Variants in RANBP2 observed in about 807,000 individuals in gnomAD.
RANBP2 encodes the protein E3 SUMO-protein ligase RanBP2.
RANBP2 carries 57 observed loss-of-function variants against 303.6 expected under a neutral mutation model. That is an observed-to-expected ratio of 0.19 (90% CI 0.15 to 0.23). The LOEUF is 0.23. Among genes scored for constraint, RANBP2 ranks in the 10% least tolerant of loss-of-function variants. RANBP2 has a pLI of 1.00. For synonymous variants in RANBP2, 1,167 were observed against 1,301.5 expected (o/e 0.90, Z 2.23); for missense variants, 3,138 against 3,780.8 (o/e 0.83, Z 4.46).
the RANBP2 span, among the ~76,000 whole-genome samples, chr2:109,718,508 A>G: frequency 2.0e-5 from 3 of 152,186 alleles, no homozygotes; most frequent in African/African-American, 7.2e-5. Flanking sequence ...AAAGTCCAGA[A>G]TAGGCAAATC....
chr2:109,078,805 A>G, the RANBP2 span, among the ~76,000 whole-genome samples: 1 of 147,812 alleles, frequency 6.8e-6, no homozygotes, highest in Non-Finnish European at 1.5e-5. Context: ...ACATGGTGAA[A>G]CCCCATTTCA....
intron 20 of RANBP2, 68 bp downstream of exon 20, chr2:108,768,456 C>T: frequency 6.2e-7 from 1 of 1,603,554 alleles, no homozygotes; most frequent in Non-Finnish European, 8.5e-7. Flanking sequence ...GATGCAGACT[C>T]TTTGTAGGAT....
the RANBP2 span, among the ~76,000 whole-genome samples, chr2:108,793,205 TA>T: frequency 3.1e-3 from 444 of 145,504 alleles, 5 homozygotes; most frequent in African/African-American, 0.011. Flanking sequence ...AAAAAAAAAA[TA>T]ACAAAAAAAT....
the RANBP2 span, among the ~76,000 whole-genome samples, chr2:109,764,678 C>G: frequency 2.7e-5 from 4 of 146,628 alleles, 1 homozygote; most frequent in Admixed American, 7.1e-5. Context: ...AATTAAAAAA[C>G]AAAGGCTTCC....
the RANBP2 span, among the ~76,000 whole-genome samples, chr2:109,622,387 A>G: frequency 8.8e-4 from 134 of 152,324 alleles, no homozygotes; most frequent in African/African-American, 3.2e-3. Flanking sequence ...CACCTAATGA[A>G]GTACAAATGA....
At chr2:109,564,481 T>C in the RANBP2 span, 1 of 1,579,638 alleles carries the variant, frequency 6.3e-7, no homozygotes, top group Non-Finnish European at 8.6e-7. Flanking sequence ...TCCATATTTG[T>C]ACAAATGAGC....
the RANBP2 span, chr2:109,614,944 C>G: frequency 1.3e-6 from 2 of 1,519,024 alleles, no homozygotes; most frequent in South Asian, 2.5e-5. Flanking sequence ...AGCGCCGGGG[C>G]TCGCAGGAAG....
the RANBP2 span, among the ~76,000 whole-genome samples, chr2:109,166,191 G>T: frequency 3.9e-5 from 6 of 152,046 alleles, no homozygotes; most frequent in Non-Finnish European, 8.8e-5. Context: ...TCAAAGGAAA[G>T]ATGCAGGCCA....
chr2:109,382,974 A>G, the RANBP2 span, among the ~76,000 whole-genome samples: 2 of 152,204 alleles, frequency 1.3e-5, 1 homozygote, highest in Non-Finnish European at 2.9e-5. Flanking sequence ...TTCCAATCAC[A>G]ACACTCAGGA....
chr2:108,760,105 A>G (rs1168824489), intron 18 of RANBP2, among the ~76,000 whole-genome samples: 1 of 152,154 alleles, frequency 6.6e-6, no homozygotes, highest in Non-Finnish European at 1.5e-5. Flanking sequence ...AAAAGTAAAC[A>G]TATATCAAGA....
the RANBP2 span, among the ~76,000 whole-genome samples, chr2:109,736,403 G>A: frequency 2.0e-5 from 3 of 152,198 alleles, no homozygotes; most frequent in African/African-American, 4.8e-5. Context: ...ACATCTGGAA[G>A]CACTATTCCT....
At chr2:109,602,979 G>C in the RANBP2 span, among the ~76,000 whole-genome samples, 4 of 151,700 alleles carry the variant, frequency 2.6e-5, no homozygotes, top group African/African-American at 9.7e-5. Context: ...ACTGAGGCAG[G>C]AGGATCATCT....
the RANBP2 span, among the ~76,000 whole-genome samples, chr2:109,755,301 T>C: frequency 7.2e-6 from 1 of 139,442 alleles, no homozygotes; most frequent in Non-Finnish European, 1.5e-5. Flanking sequence ...AAATAACTCA[T>C]AGAGCTCAAG....
At chr2:108,770,113 C>T (rs1677395129) in intron 20 of RANBP2, among the ~76,000 whole-genome samples, 7 of 152,154 alleles carry the variant, frequency 4.6e-5, no homozygotes. Context: ...GAATCCCTGA[C>T]CTAAGAATGA....
At chr2:109,182,047 T>G in the RANBP2 span, among the ~76,000 whole-genome samples, 1 of 152,222 alleles carries the variant, frequency 6.6e-6, no homozygotes, top group Non-Finnish European at 1.5e-5. Context: ...GATAAACATA[T>G]GTATGCCGTA....
At chr2:109,209,819 A>G in the RANBP2 span, among the ~76,000 whole-genome samples, 1 of 152,126 alleles carries the variant, frequency 6.6e-6, no homozygotes, top group African/African-American at 2.4e-5. Flanking sequence ...GTATTCCAAG[A>G]TTTATTATTG....
At chr2:108,923,367 C>T in the RANBP2 span, 53 of 1,614,036 alleles carry the variant, frequency 3.3e-5, no homozygotes, top group Non-Finnish European at 4.4e-5. Flanking sequence ...AAGACACTCA[C>T]ATTCCTTGGT....
chr2:109,177,937 A>C, the RANBP2 span, among the ~76,000 whole-genome samples: 706 of 152,338 alleles, frequency 4.6e-3, 2 homozygotes, highest in Non-Finnish European at 7.5e-3. Flanking sequence ...TTCTAGCAGG[A>C]GTCTCATTTG....
At chr2:109,691,553 C>T in the RANBP2 span, among the ~76,000 whole-genome samples, 20 of 152,190 alleles carry the variant, frequency 1.3e-4, no homozygotes, top group African/African-American at 4.3e-4. Flanking sequence ...AATGAATTTC[C>T]GAGAGTTCTG....
Sources: gnomAD v4.1 joint callset for allele counts (sites outside exome capture counted in the v4.1 genomes callset) on GRCh38, gnomAD v4.1.1 for gene constraint, MANE v1.5 for transcripts, NCBI Gene and HGNC (gene_info 2026-07-23, HGNC 2026-07-21) for gene names.